The following DSC1 variants were observed in gnomAD, a reference collection of about 807,000 sequenced individuals.
DSC1 encodes desmocollin 1.
Under a neutral mutation model 98.8 loss-of-function variants are expected in DSC1, and 79 were observed. That is an observed-to-expected ratio of 0.80 (90% confidence interval 0.67 to 0.96). The LOEUF is 0.96. Among genes scored for constraint, DSC1 ranks in the 50% least tolerant of loss-of-function variants. DSC1 has a pLI of 0.00. For synonymous variants in DSC1, 405 were observed against 372.1 expected, an observed-to-expected ratio of 1.09 and a Z score of -1.02; for missense variants, 1,115 against 1,075.9, an observed-to-expected ratio of 1.04 and a Z score of -0.51.
At chr18:31,137,823 T>G (rs1202888979) in intron 11 of DSC1, among the ~76,000 whole-genome samples, 1 of 152,078 alleles carries the variant, frequency 6.6e-6, no homozygotes, top group African/African-American at 2.4e-5. Flanking sequence ...AGGTGGAAGG[T>G]ATGTAAAACA....
At chr18:31,139,119 G>C (rs575569126) in intron 11 of DSC1, among the ~76,000 whole-genome samples, 3 of 151,896 alleles carry the variant, frequency 2.0e-5, no homozygotes, top group African/African-American at 7.2e-5. Flanking sequence ...ACTAACAAGT[G>C]GTTTACTGAT....
intron 14 of DSC1, 122 bp downstream of exon 14, chr18:31,132,439 CACTTGAA>C: frequency 7.8e-7 from 1 of 1,281,788 alleles, no homozygotes; most frequent in Non-Finnish European, 1.1e-6. Flanking sequence ...ACACTGAGGG[CACTTGAA>C]ACTCTGCTTA....
chr18:31,136,009 C>T (rs192360013), intron 11 of DSC1, among the ~76,000 whole-genome samples: 1 of 152,020 alleles, frequency 6.6e-6, no homozygotes, highest in Non-Finnish European at 1.5e-5. Flanking sequence ...TGAATAACTA[C>T]AAAATTAATT....
chr18:31,157,383 T>G lies in DSC1; in HGVS notation c.339A>C (p.Ala113=). 2 of 1,614,198 alleles carry G rather than the reference T, an allele frequency of 1.2e-6. No homozygotes were observed. Among genetic ancestry groups the G allele is most frequent in the South Asian group, 2.2e-5 (2 of 91,078 alleles). The change falls in exon 3 of 16, where the codon GCA becomes GCC. Residue 113 remains alanine, a synonymous_variant. Transcript: ENST00000257198. ...EQQEIKVVLS[A]RENKSPKKRH... is the part of the protein sequence containing the mutation. ...CCTTGCCTTATACCTTGTTTTCTCT[T>G]GCTGACAGTACAACTTTTATCTCTT...
chr18:31,130,278 G>C lies in DSC1; in HGVS notation c.*236C>G, dbSNP rs1310145313. Reference sequence around the variant, plus strand: ...AGGTGTACAGTACAGTCGTGAAAAGGGCAATATATACATGCATATAAAAGA... The same window carrying C: ...AGGTGTACAGTACAGTCGTGAAAAGCGCAATATATACATGCATATAAAAGA... On this transcript the variant is annotated 3_prime_UTR_variant, in exon 16 of 16. Coordinates refer to ENST00000257198, the MANE Select transcript of DSC1 (RefSeq NM_024421.2). 1.5e-5 allele frequency: 8 copies of C among 543,026 alleles called. No individual in the cohort carries two copies. Among genetic ancestry groups the C allele is most frequent in the Non-Finnish European group, 2.6e-5 (8 of 307,162 alleles). 33.6% of individuals were successfully genotyped at this position (543,026 alleles called of 1,614,324 possible). A position where few individuals can be genotyped will look rare whatever the true frequency, so the allele number is the denominator to read the frequency against.
chr18:31,160,061 G>A (rs1370451), intron 1 of DSC1, among the ~76,000 whole-genome samples: 123 of 152,086 alleles, frequency 8.1e-4, no homozygotes, highest in African/African-American at 2.7e-3. Context: ...TGGCCAAAAC[G>A]CCAAAATCTA....
chr18:31,141,233 A>T (rs972132774), intron 9 of DSC1, among the ~76,000 whole-genome samples: 2 of 152,312 alleles, frequency 1.3e-5, no homozygotes, highest in East Asian at 3.9e-4. Context: ...ATCAAGGGGG[A>T]AAAAACCTAA....
intron 11 of DSC1, among the ~76,000 whole-genome samples, chr18:31,136,654 A>G (rs988503572): frequency 6.6e-6 from 1 of 152,320 alleles, no homozygotes; most frequent in African/African-American, 2.4e-5. Context: ...CACACATAAA[A>G]TACACTAACA....
intron 3 of DSC1, among the ~76,000 whole-genome samples, chr18:31,156,957 T>C (rs368604767): frequency 2.0e-5 from 3 of 152,184 alleles, no homozygotes; most frequent in African/African-American, 7.2e-5. Context: ...AAACAGTCTC[T>C]TCTCCTCTTT....
At chr18:31,159,384 G>T in intron 2 of DSC1, 61 bp downstream of exon 2, 1 of 1,551,952 alleles carries the variant, frequency 6.4e-7, no homozygotes, top group South Asian at 1.1e-5. Context: ...AACTTTACAA[G>T]AGCAGCCTGC....
chr18:31,155,602 A>AC lies in DSC1; in HGVS notation c.471+440_471+441insG, dbSNP rs1989081887. Among the ~76,000 whole-genome samples, 3 of 152,256 alleles carry AC rather than the reference A, an allele frequency of 2.0e-5. No individual in the cohort carries two copies. In the East Asian group the frequency reaches 5.8e-4, roughly 29 times the overall value. ...CTGAGCTGATGCCACTATACTCCAA[A>AC]ATTTCAAAACTGTTCTATGTTTGCA... On this transcript the variant is annotated intron_variant, in intron 4 of 15. Coordinates refer to ENST00000257198, the MANE Select transcript of DSC1 (RefSeq NM_024421.2).
rs1472876335 is a variant in DSC1, at chr18:31,159,549, A to G, written c.64-20T>C. ...TAAAACCTCAAAAAAAAAAAAAGAA[A>G]AAATATCAGGAATTAAATTTGATCA... On this transcript the variant is annotated intron_variant, in intron 1 of 15. Transcript: ENST00000257198. The G allele has an allele frequency of 6.5e-7, 1 of 1,546,190 alleles. No individual in the cohort carries two copies. Among genetic ancestry groups the G allele is most frequent in the Non-Finnish European group, 8.8e-7 (1 of 1,138,214 alleles).
chr18:31,142,127 G>C lies in DSC1; in HGVS notation c.1132C>G (p.Gln378Glu). ...GGAGTGTTTGGCAAATCCTGATCCT[G>C]TACCTTCATTCGTAAAATCTCCACG... is the stretch of plus-strand genomic sequence containing the variant. ...IDVEILRMKV[Q>E]DQDLPNTPHS... The change falls in exon 9 of 16, where the codon CAG becomes GAG. Residue 378 changes from glutamine to glutamate, a missense_variant. Gln to Glu is a conservative substitution (Grantham distance 29). Coordinates refer to ENST00000257198, the MANE Select transcript of DSC1 (RefSeq NM_024421.2). 1 of 1,612,992 alleles carries C rather than the reference G, an allele frequency of 6.2e-7. No individual in the cohort carries two copies. The highest frequency in any genetic ancestry group is 8.5e-7 in the Non-Finnish European group (1 of 1,179,662).
In DSC1 at chr18:31,132,602, A is replaced by T. The variant is rs1326056747; in HGVS notation, c.2204T>A (p.Val735Glu). Reference sequence around the variant, plus strand: ...TTCTCCAGGTCCTTCAGTATTTGATACAATTAAATTTTGCTGGGCTATGTC... The same window carrying T: ...TTCTCCAGGTCCTTCAGTATTTGATTCAATTAAATTTTGCTGGGCTATGTC... ...PEDIAQQNLI[V>E]SNTEGPGEEV... Residue 735 changes from valine (V) to glutamate (E), a missense_variant, in exon 14 of 16, where the codon GTA (valine) becomes GAA (glutamate). By Grantham distance (121) the Val-to-Glu change is moderately radical (BLOSUM62 -2). Coordinates refer to ENST00000257198, the MANE Select transcript of DSC1 (RefSeq NM_024421.2). 2 of 1,613,608 alleles carry T rather than the reference A, an allele frequency of 1.2e-6. No individual in the cohort carries two copies. Among genetic ancestry groups the T allele is most frequent in the East Asian group, 4.5e-5 (2 of 44,812 alleles).
chr18:31,146,504 T>C (rs1189513588), intron 6 of DSC1, among the ~76,000 whole-genome samples: 1 of 152,238 alleles, frequency 6.6e-6, no homozygotes, highest in East Asian at 1.9e-4. Flanking sequence ...GGCACGTGGA[T>C]TCATTTCATG....
chr18:31,157,113 C>T (rs973428893), intron 3 of DSC1, among the ~76,000 whole-genome samples: 3 of 152,166 alleles, frequency 2.0e-5, no homozygotes, highest in Non-Finnish European at 4.4e-5. Flanking sequence ...TATTCCCAAA[C>T]TTGAAATCAC....
chr18:31,140,940 C>A (rs946623461), intron 9 of DSC1, among the ~76,000 whole-genome samples: 1 of 152,224 alleles, frequency 6.6e-6, no homozygotes, highest in Non-Finnish European at 1.5e-5. Flanking sequence ...GTGCTATTCT[C>A]GTGATAGTGA....
chr18:31,153,878 C>T (rs1989045531), intron 5 of DSC1, among the ~76,000 whole-genome samples: 1 of 152,150 alleles, frequency 6.6e-6, no homozygotes, highest in East Asian at 1.9e-4. Flanking sequence ...CTTGAGGTGG[C>T]CACTAACTAC....
rs1178332369 is a variant in DSC1, at chr18:31,150,941, T to C, written c.628-2299A>G. The C allele has an allele frequency of 3.3e-5, 5 of 152,156 alleles. No homozygotes were observed. The South Asian group carries it at 8.3e-4, about 25-fold the overall frequency. 9.4% of individuals were successfully genotyped at this position (152,156 alleles called of 1,614,324 possible). A position where few individuals can be genotyped will look rare whatever the true frequency, so the allele number is the denominator to read the frequency against. ...ATTCAATTCTACTCATCTTTCCTTT[T>C]AGGAAGACAAACTACGCCTTCAGTT... On this transcript the variant is annotated intron_variant, in intron 5 of 15. Coordinates refer to ENST00000257198, the MANE Select transcript of DSC1 (RefSeq NM_024421.2).
Sources: allele counts gnomAD v4.1 joint callset (sites outside exome capture counted in the v4.1 genomes callset), GRCh38; gene constraint gnomAD v4.1.1; transcripts MANE v1.5; gene names NCBI Gene and HGNC (gene_info 2026-07-23, HGNC 2026-07-21).